The following CDH9 variants were observed in gnomAD, a reference collection of about 807,000 sequenced individuals.
CDH9 encodes cadherin-9.
Under a neutral mutation model 70.9 loss-of-function variants are expected in CDH9, and 28 were observed. That is an observed-to-expected ratio of 0.40 (90% CI 0.29 to 0.54). The LOEUF is 0.54. Among genes scored for constraint, CDH9 ranks in the 20% least tolerant of loss-of-function variants. The pLI, the probability that CDH9 is intolerant of heterozygous loss-of-function variation, is 0.59. For synonymous variants in CDH9, 409 were observed against 343.1 expected (o/e 1.19, Z -2.12); for missense variants, 874 against 984.4 (o/e 0.89, Z 1.50).
chr5:26,908,223 G>A (rs911054190), intron 3 of CDH9, among the ~76,000 whole-genome samples: 3 of 152,046 alleles, frequency 2.0e-5, no homozygotes, highest in Non-Finnish European at 4.4e-5. Flanking sequence ...CCAGCTGTAA[G>A]CTTTTATCAT....
chr5:26,988,234 T>A lies in CDH9; in HGVS notation c.100A>T (p.Ser34Cys). The change falls in exon 2 of 12, where the codon AGC becomes TGC. Residue 34 changes from serine (S) to cysteine (C), a missense_variant. By Grantham distance (112) the Ser-to-Cys change is moderately radical. Coordinates refer to ENST00000231021, the MANE Select transcript of CDH9 (RefSeq NM_016279.4). ...TTTGTCAGACCCGCTATCTTTTTGC[T>A]TGATAAATAACTGTTAGGTTTTTCT... ...LQEKPNSYLS[S>C]KKIAGLTKDD... is the part of the protein sequence containing the mutation. The A allele has an allele frequency of 6.2e-7, 1 of 1,613,564 alleles. No individual in the cohort carries two copies. Among genetic ancestry groups the A allele is most frequent in the Non-Finnish European group, 8.5e-7 (1 of 1,179,616 alleles).
intron 3 of CDH9, 140 bp downstream of exon 3, chr5:26,915,490 A>T (rs910747819): frequency 3.6e-6 from 2 of 556,006 alleles, no homozygotes. Flanking sequence ...AAAATAGAAG[A>T]GCTAGTTTAA....
At chr5:27,008,264 T>C (rs912167145) in intron 1 of CDH9, among the ~76,000 whole-genome samples, 1 of 151,852 alleles carries the variant, frequency 6.6e-6, no homozygotes, top group Non-Finnish European at 1.5e-5. Context: ...GGGAGGCGGG[T>C]GGATCACTTG....
At chr5:26,971,066 A>G (rs1217247853) in intron 2 of CDH9, among the ~76,000 whole-genome samples, 3 of 152,326 alleles carry the variant, frequency 2.0e-5, no homozygotes, top group East Asian at 1.9e-4. Context: ...CTTTTGTCCT[A>G]TGAAGTTCCT....
intron 1 of CDH9, among the ~76,000 whole-genome samples, chr5:27,009,081 C>A (rs953709332): frequency 1.3e-5 from 2 of 152,040 alleles, no homozygotes; most frequent in Non-Finnish European, 2.9e-5. Flanking sequence ...CCCAAGGTTA[C>A]CAAATATGAG....
chr5:26,888,118 T>TTTTA (rs1286253305), intron 9 of CDH9, among the ~76,000 whole-genome samples: 3 of 152,168 alleles, frequency 2.0e-5, no homozygotes, highest in Admixed American at 1.3e-4. Context: ...GCCTTAATGA[T>TTTTA]TTTAAAAGAA....
intron 2 of CDH9, among the ~76,000 whole-genome samples, chr5:26,960,177 T>C (rs1169821943): frequency 2.0e-5 from 3 of 152,010 alleles, no homozygotes; most frequent in Admixed American, 2.0e-4. Context: ...TCCAGGAATG[T>C]GTATTATCTG....
At chr5:26,968,927 C>T (rs1742172605) in intron 2 of CDH9, among the ~76,000 whole-genome samples, 1 of 152,128 alleles carries the variant, frequency 6.6e-6, no homozygotes, top group Non-Finnish European at 1.5e-5. Context: ...CTGTCCTCAC[C>T]TCACTGAACT....
At chr5:26,923,072 A>C (rs988624346) in intron 2 of CDH9, among the ~76,000 whole-genome samples, 1 of 138,976 alleles carries the variant, frequency 7.2e-6, no homozygotes, top group Non-Finnish European at 1.6e-5. Flanking sequence ...CATGAATTAA[A>C]AAAAAAAAAA....
At chr5:26,975,357 T>G (rs1466487865) in intron 2 of CDH9, among the ~76,000 whole-genome samples, 1 of 152,170 alleles carries the variant, frequency 6.6e-6, no homozygotes, top group Admixed American at 6.5e-5. Context: ...CCTCAAAATA[T>G]AGAAAGTCTT....
intron 5 of CDH9, 92 bp downstream of exon 5, chr5:26,905,867 G>T: frequency 2.1e-6 from 2 of 939,134 alleles, no homozygotes; most frequent in Non-Finnish European, 3.3e-6. Context: ...TAAACCAATA[G>T]CAAAACTACT....
chr5:26,952,262 A>T (rs1243846800), intron 2 of CDH9, among the ~76,000 whole-genome samples: 1 of 147,948 alleles, frequency 6.8e-6, no homozygotes, highest in East Asian at 2.1e-4. Context: ...CCGCGCCCAG[A>T]CTCATGTTGA....
intron 2 of CDH9, among the ~76,000 whole-genome samples, chr5:26,923,094 A>C (rs1301740697): frequency 6.6e-6 from 1 of 150,656 alleles, no homozygotes; most frequent in East Asian, 1.9e-4. Context: ...AAACACAAAA[A>C]AAAAACAAGA....
chr5:26,993,351 A>G (rs1280277755), intron 1 of CDH9, among the ~76,000 whole-genome samples: 3 of 152,182 alleles, frequency 2.0e-5, no homozygotes, highest in Admixed American at 2.0e-4. Flanking sequence ...GATTTCTAAG[A>G]AAATTGTTGA....
chr5:26,977,665 G>A (rs1459948286), intron 2 of CDH9, among the ~76,000 whole-genome samples: 2 of 151,914 alleles, frequency 1.3e-5, no homozygotes. Context: ...ATTCAAGGCT[G>A]CCATATTGGT....
intron 1 of CDH9, among the ~76,000 whole-genome samples, chr5:26,996,994 G>A (rs2112100794): frequency 6.6e-6 from 1 of 151,994 alleles, no homozygotes; most frequent in East Asian, 1.9e-4. Context: ...AAAAAATTTA[G>A]TTTCATGCCT....
chr5:26,926,918 C>CCA, intron 2 of CDH9, among the ~76,000 whole-genome samples: 1 of 47,722 alleles, frequency 2.1e-5, no homozygotes, highest in South Asian at 1.1e-3. Flanking sequence ...AAAAATACAG[C>CCA]CCCCCCCCGC....
intron 2 of CDH9, among the ~76,000 whole-genome samples, chr5:26,941,723 A>T (rs1741664823): frequency 6.6e-6 from 1 of 152,178 alleles, no homozygotes. Context: ...GAAAGGAAAA[A>T]TAGCTTTGAA....
chr5:26,906,235 G>C (rs1260553877), intron 4 of CDH9, 109 bp from the exon 5 acceptor site: 2 of 861,122 alleles, frequency 2.3e-6, no homozygotes. Flanking sequence ...TAAAATGTCA[G>C]TGTATTTAAA....
Sources: allele counts gnomAD v4.1 joint callset (sites outside exome capture counted in the v4.1 genomes callset), GRCh38; gene constraint gnomAD v4.1.1; transcripts MANE v1.5; gene names NCBI Gene and HGNC (gene_info 2026-07-23, HGNC 2026-07-21).